The following ULK4 variants were observed in gnomAD, a reference collection of about 807,000 sequenced individuals.
The protein encoded by ULK4 is inactive serine/threonine-protein kinase ULK4.
In ULK4, 133 loss-of-function variants were observed where a neutral mutation model predicts 160.6. The observed-to-expected ratio is 0.83, with a 90% confidence interval of 0.72 to 0.96. ULK4 has a LOEUF of 0.96. ULK4 is among the 40% of genes least tolerant of loss of function. The probability of loss-of-function intolerance (pLI) is 0.00; values close to 1 mark genes in which losing one functional copy is unlikely to be tolerated. For missense variants in ULK4, 1,580 were observed against 1,499.5 expected (o/e 1.05, Z -0.89); for synonymous variants, 534 against 539.8 (o/e 0.99, Z 0.15).
intron 27 of ULK4, among the ~76,000 whole-genome samples, chr3:41,683,725 G>A (rs2036000620): frequency 6.6e-6 from 1 of 151,892 alleles, no homozygotes. Context: ...CACCCATGTG[G>A]CACTGGTTCA....
chr3:41,859,514 T>C lies in ULK4; in HGVS notation c.1657-23543A>G. ...ACTTCCCAGTAAGGACCCTTAGGGA[T>C]AAACCAAGGCACCAAGAAGCCAACG... On this transcript the variant is annotated intron_variant, in intron 17 of 36. Coordinates refer to ENST00000301831, the MANE Select transcript of ULK4 (RefSeq NM_017886.4). 7.3e-6 allele frequency: 4 copies of C among 547,050 alleles called. 1 individual carries two copies. Among genetic ancestry groups the C allele is most frequent in the South Asian group, 5.5e-5 (4 of 72,508 alleles). The allele number at this position is 547,050 out of a possible 1,614,324, so 33.9% of individuals were successfully genotyped here. A position where few individuals can be genotyped will look rare whatever the true frequency, so the allele number is the denominator to read the frequency against.
chr3:41,715,482 G>C lies in ULK4; in HGVS notation c.2542C>G (p.Leu848Val). 1.9e-6 allele frequency: 3 copies of C among 1,614,080 alleles called. No homozygotes were observed. The highest frequency in any genetic ancestry group is 2.5e-6 in the Non-Finnish European group (3 of 1,179,958). Residue 848 changes from leucine to valine, a missense_variant, in exon 24 of 37, where the codon CTG (leucine) becomes GTG (valine). Physicochemically the swap from Leu to Val is conservative, Grantham distance 32 (BLOSUM62 1). Transcript: ENST00000301831. ...ACGAGGTGAAGCACTACAGGCATCA[G>C]GGGGAGACACAACTTCAGCTGTTTC... is the stretch of plus-strand genomic sequence containing the variant. Reference protein sequence around the residue: ...QVKQLKLCLPLMPVVLHLVTS... With the variant: ...QVKQLKLCLPVMPVVLHLVTS...
At chr3:41,905,992 C>T (rs1309661036) in intron 12 of ULK4, among the ~76,000 whole-genome samples, 3 of 151,838 alleles carry the variant, frequency 2.0e-5, no homozygotes, top group Non-Finnish European at 2.9e-5. Context: ...CCGAGGCGGG[C>T]GGATCATGAG....
intron 30 of ULK4, among the ~76,000 whole-genome samples, chr3:41,617,764 G>T (rs1342038345): frequency 1.3e-5 from 2 of 152,092 alleles, no homozygotes; most frequent in South Asian, 4.1e-4. Flanking sequence ...AACTGGATGG[G>T]GAATAAGTTT....
intron 35 of ULK4, among the ~76,000 whole-genome samples, chr3:41,391,858 T>C (rs906507186): frequency 1.6e-4 from 24 of 152,106 alleles, no homozygotes; most frequent in Non-Finnish European, 2.2e-4. Flanking sequence ...CAGAGAGTTA[T>C]TGCAAATCAC....
At chr3:41,770,580 G>A (rs1443081184) in intron 21 of ULK4, among the ~76,000 whole-genome samples, 2 of 150,604 alleles carry the variant, frequency 1.3e-5, no homozygotes, top group South Asian at 2.1e-4. Context: ...AGCAATCCTG[G>A]CTCACTGCAA....
intron 32 of ULK4, among the ~76,000 whole-genome samples, chr3:41,565,069 T>G (rs2087738829): frequency 6.6e-6 from 1 of 152,224 alleles, no homozygotes; most frequent in Non-Finnish European, 1.5e-5. Flanking sequence ...CAGCACAGGT[T>G]TGTAGTCTAC....
intron 35 of ULK4, among the ~76,000 whole-genome samples, chr3:41,272,473 C>A (rs1443921351): frequency 6.7e-6 from 1 of 150,300 alleles, no homozygotes; most frequent in Non-Finnish European, 1.5e-5. Context: ...TAAGAATGTG[C>A]CATTATCCTT....
At chr3:41,396,413 A>G (rs1419945838) in intron 35 of ULK4, among the ~76,000 whole-genome samples, 1 of 152,122 alleles carries the variant, frequency 6.6e-6, no homozygotes, top group Non-Finnish European at 1.5e-5. Context: ...TATCAGACCA[A>G]TATTTTCCAA....
chr3:41,925,792 A>G (rs1284188737), intron 5 of ULK4, among the ~76,000 whole-genome samples: 1 of 152,082 alleles, frequency 6.6e-6, no homozygotes. Flanking sequence ...CACATGGAAG[A>G]GCGAACTGGG....
At chr3:41,646,312 A>C (rs954140677) in intron 30 of ULK4, among the ~76,000 whole-genome samples, 2 of 152,126 alleles carry the variant, frequency 1.3e-5, no homozygotes, top group African/African-American at 4.8e-5. Context: ...CTTTGGCATG[A>C]TTTTGCAGCG....
intron 2 of ULK4, among the ~76,000 whole-genome samples, chr3:41,943,195 A>G (rs1700012513): frequency 6.6e-6 from 1 of 150,392 alleles, no homozygotes; most frequent in South Asian, 2.1e-4. Context: ...CCTGGGCGAC[A>G]GAGCGAGACT....
chr3:41,668,985 T>C (rs1229801936), intron 29 of ULK4, among the ~76,000 whole-genome samples: 1 of 152,124 alleles, frequency 6.6e-6, no homozygotes, highest in African/African-American at 2.4e-5. Context: ...AAAAAGTTAA[T>C]ATTCTTACTA....
chr3:41,250,127 A>G (rs1215061707), intron 35 of ULK4, among the ~76,000 whole-genome samples: 1 of 152,156 alleles, frequency 6.6e-6, no homozygotes, highest in Non-Finnish European at 1.5e-5. Flanking sequence ...CTGACTCTGT[A>G]GCACCTATTT....
intron 35 of ULK4, among the ~76,000 whole-genome samples, chr3:41,362,730 T>C (rs1418063163): frequency 1.3e-5 from 2 of 152,222 alleles, no homozygotes; most frequent in Non-Finnish European, 2.9e-5. Context: ...TTTTACATCA[T>C]TATTAAGACA....
chr3:41,412,187 T>G (rs373339890), intron 34 of ULK4, among the ~76,000 whole-genome samples: 1 of 152,088 alleles, frequency 6.6e-6, no homozygotes, highest in Non-Finnish European at 1.5e-5. Flanking sequence ...AATACCAATA[T>G]AATAGCATAA....
chr3:41,464,366 C>A (rs569767426), intron 32 of ULK4, among the ~76,000 whole-genome samples: 13 of 152,188 alleles, frequency 8.5e-5, no homozygotes, highest in African/African-American at 3.1e-4. Context: ...CAAAAAAAGG[C>A]ATAAGTCTCA....
chr3:41,748,046 C>T (rs778856929), intron 22 of ULK4, among the ~76,000 whole-genome samples: 2 of 151,718 alleles, frequency 1.3e-5, no homozygotes, highest in Non-Finnish European at 2.9e-5. Flanking sequence ...GAGAATTTTA[C>T]TTATATTTTT....
intron 35 of ULK4, among the ~76,000 whole-genome samples, chr3:41,256,772 T>G (rs996089964): frequency 5.9e-5 from 9 of 152,186 alleles, no homozygotes; most frequent in African/African-American, 1.2e-4. Flanking sequence ...CATAAGAGAA[T>G]GAAAAGATAT....
Sources: allele counts gnomAD v4.1 joint callset (sites outside exome capture counted in the v4.1 genomes callset), GRCh38; gene constraint gnomAD v4.1.1; transcripts MANE v1.5; gene names NCBI Gene and HGNC (gene_info 2026-07-23, HGNC 2026-07-21).